LRRC9: variants seen among roughly 807,000 people sequenced by gnomAD.
The protein encoded by LRRC9 is leucine-rich repeat-containing protein 9.
Under a neutral mutation model 63.2 loss-of-function variants are expected in LRRC9, and 122 were observed. That is an observed-to-expected ratio of 1.93 (90% CI 1.67 to 2.24). The LOEUF is 2.24. Among genes scored for constraint, LRRC9 ranks in the 30% most tolerant of loss-of-function variants. LRRC9 has a pLI of 0.00. For synonymous variants in LRRC9, 366 were observed against 213.1 expected, an observed-to-expected ratio of 1.72 and a Z score of -6.25; for missense variants, 1,071 against 627.7, an observed-to-expected ratio of 1.71 and a Z score of -7.55.
chr14:59,954,093 A>T (rs1285841421), intron 8 of LRRC9, among the ~76,000 whole-genome samples: 1 of 152,156 alleles, frequency 6.6e-6, no homozygotes, highest in Non-Finnish European at 1.5e-5. Context: ...GTCAGGTAGC[A>T]TGATGCCTTC....
intron 7 of LRRC9, among the ~76,000 whole-genome samples, chr14:59,939,543 G>A (rs944581653): frequency 8.6e-5 from 13 of 151,996 alleles, no homozygotes; most frequent in African/African-American, 2.7e-4. Context: ...CAGTAACTTA[G>A]ATGAGCCATG....
rs147398509 is a variant in LRRC9, at chr14:59,958,947, T to C, written c.883-871T>C. On this transcript the variant is annotated intron_variant, in intron 8 of 31. Coordinates refer to ENST00000445360, the Ensembl canonical transcript of LRRC9. This position sits in a 1 kb window ranked among gnomAD's most constrained non-coding sequence, Gnocchi z 4.0. ...CCCTCTGTGGGTTGGACCCACTGTCTAACCAGTCTCACTGAGATGAACAGG... is the reference window on the plus strand; with the variant it reads ...CCCTCTGTGGGTTGGACCCACTGTCCAACCAGTCTCACTGAGATGAACAGG... 1.5e-3 allele frequency among the ~76,000 whole-genome samples: 228 copies of C among 152,324 alleles called. No individual in the cohort carries two copies. The highest frequency in any genetic ancestry group is 5.1e-3 in the African/African-American group (211 of 41,572).
At chr14:59,988,400 T>G (rs1232962802) in intron 17 of LRRC9, among the ~76,000 whole-genome samples, 1 of 152,164 alleles carries the variant, frequency 6.6e-6, no homozygotes, top group Non-Finnish European at 1.5e-5. Flanking sequence ...TATGAATTTT[T>G]TATACTTCCA....
chr14:59,989,950 G>A (rs933886448), intron 17 of LRRC9, among the ~76,000 whole-genome samples: 5 of 138,958 alleles, frequency 3.6e-5, no homozygotes, highest in South Asian at 2.2e-4. Flanking sequence ...TTTTTGAGAC[G>A]GAATTTCACT....
At chr14:59,955,003 G>A (rs987466173) in intron 8 of LRRC9, among the ~76,000 whole-genome samples, 11 of 152,062 alleles carry the variant, frequency 7.2e-5, no homozygotes, top group South Asian at 2.1e-4. Flanking sequence ...TGACTTGATC[G>A]TGGTGGATAA....
chr14:59,957,000 T>G (rs952307839), intron 8 of LRRC9, among the ~76,000 whole-genome samples: 1 of 152,228 alleles, frequency 6.6e-6, no homozygotes, highest in African/African-American at 2.4e-5. Flanking sequence ...AGAGATCAGC[T>G]GTTAGTCTGA....
chr14:59,979,611 C>CA (rs908882398), intron 15 of LRRC9, among the ~76,000 whole-genome samples: 132 of 149,592 alleles, frequency 8.8e-4, no homozygotes, highest in African/African-American at 1.2e-3. Context: ...GACTCCGTCT[C>CA]AAAAAAAAAT....
intron 30 of LRRC9, among the ~76,000 whole-genome samples, chr14:60,056,884 A>T (rs1451189666): frequency 1.3e-5 from 2 of 152,188 alleles, no homozygotes; most frequent in African/African-American, 2.4e-5. Context: ...TTTAACAGCA[A>T]ATAAGGAGGA....
intron 17 of LRRC9, 118 bp from the exon 18 acceptor site, chr14:59,997,538 A>G (rs1182892670): frequency 5.6e-6 from 3 of 537,830 alleles, no homozygotes; most frequent in South Asian, 2.9e-5. Flanking sequence ...ACTACTGTTT[A>G]TGTGTCCTGT....
At chr14:59,931,168 G>A (rs116980411) in intron 4 of LRRC9, 110 bp downstream of exon 4, 7,454 of 297,424 alleles carry the variant, frequency 0.025, 163 homozygotes, top group South Asian at 0.052. Flanking sequence ...TTCTTGACTA[G>A]TACAATTATT....
rs1416500994 is a variant in LRRC9 at position 59,990,819 on chromosome 14, T to C, written c.2211+5595T>C. Among the ~76,000 whole-genome samples, 3 of 152,222 alleles carry C rather than the reference T, an allele frequency of 2.0e-5. No homozygotes were observed. Among genetic ancestry groups the C allele is most frequent in the African/African-American group, 7.2e-5 (3 of 41,454 alleles). On this transcript the variant is annotated intron_variant, in intron 17 of 31. Transcript: ENST00000445360. This position sits in a 1 kb window ranked among gnomAD's most constrained non-coding sequence, Gnocchi z 4.2. ...GGTCTCCACACATTCCGGTGAATATTTGTTGACTGTTCTGGGGCTCTCCTG... is the reference window on the plus strand; with the variant it reads ...GGTCTCCACACATTCCGGTGAATATCTGTTGACTGTTCTGGGGCTCTCCTG...
At position 59,922,254 on chromosome 14, in the gene LRRC9, AATCAAAAC is replaced by A. The variant is rs1462226748; in HGVS notation, c.-34+2374_-34+2381del. ...AATGCCATGTCAAGGTCAAGTTGAG[AATCAAAAC>A]ATGTCCGCTGTCTTTGGCCATTAGA... On this transcript the variant is annotated intron_variant, in intron 1 of 31. Transcript: ENST00000445360. This position sits in a 1 kb window ranked among gnomAD's most constrained non-coding sequence, Gnocchi z 5.3. Among the ~76,000 whole-genome samples, 8 of 152,312 alleles carry A rather than the reference AATCAAAAC, an allele frequency of 5.3e-5. No homozygotes were observed. The East Asian group carries it at 1.5e-3, about 29-fold the overall frequency.
In LRRC9 at chr14:59,958,247, CA is replaced by C. The variant is rs1350493664; in HGVS notation, c.883-1570del. Among the ~76,000 whole-genome samples, 1 of 152,194 alleles carries C rather than the reference CA, an allele frequency of 6.6e-6. No individual in the cohort carries two copies. Among genetic ancestry groups the C allele is most frequent in the African/African-American group, 2.4e-5 (1 of 41,454 alleles). On this transcript the variant is annotated intron_variant, in intron 8 of 31. Coordinates refer to ENST00000445360, the Ensembl canonical transcript of LRRC9. The surrounding 1 kb of genome is among the most constrained non-coding windows in gnomAD (Gnocchi z 4.0). ...AATCTGCTGCAGCTGTGCCCACAGCCACCCCTTCCACCAGGTGCTCTGTCCC... is the reference window on the plus strand; with the variant it reads ...AATCTGCTGCAGCTGTGCCCACAGCCCCCCTTCCACCAGGTGCTCTGTCCC...
At chr14:60,028,621 G>A (rs896205081) in intron 28 of LRRC9, among the ~76,000 whole-genome samples, 3 of 152,058 alleles carry the variant, frequency 2.0e-5, no homozygotes, top group African/African-American at 7.2e-5. Flanking sequence ...TGCCCCAACT[G>A]AACTGCTCAG....
Position 59,927,871 on chromosome 14 carries a change from G to T in LRRC9, c.-33-40G>T. ...GTCTATTTCAACTTGGAATGACAAT[G>T]ACTTTAATATTTATTTCATTTTTTC... On this transcript the variant is annotated intron_variant, in intron 1 of 31. Coordinates refer to ENST00000445360, the Ensembl canonical transcript of LRRC9. The surrounding 1 kb of genome is among the most constrained non-coding windows in gnomAD (Gnocchi z 4.4). The T allele has an allele frequency of 1.6e-6, 1 of 607,296 alleles. No homozygotes were observed. The highest frequency in any genetic ancestry group is 2.0e-5 in the South Asian group (1 of 49,466). The allele number at this position is 607,296 out of a possible 1,614,324, so 37.6% of individuals were successfully genotyped here. A position where few individuals can be genotyped will look rare whatever the true frequency, so the allele number is the denominator to read the frequency against.
At chr14:60,006,424 G>A (rs1288658851) in exon 22 of LRRC9, 16 of 690,216 alleles carry the variant, frequency 2.3e-5, no homozygotes, top group African/African-American at 3.5e-5. Context: ...AAATTAACTC[G>A]CCTCAGCATA....
At chr14:59,928,058 C>A in intron 2 of LRRC9, 67 bp downstream of exon 2, 1 of 651,666 alleles carries the variant, frequency 1.5e-6, no homozygotes, top group Non-Finnish European at 2.7e-6. Context: ...TTTTTATGCT[C>A]CTTTCTAGAG....
At chr14:59,993,905 A>G (rs935490364) in intron 17 of LRRC9, among the ~76,000 whole-genome samples, 3 of 152,064 alleles carry the variant, frequency 2.0e-5, no homozygotes, top group Admixed American at 6.6e-5. Flanking sequence ...ACAGATCAAC[A>G]AGACAGAAAG....
chr14:59,972,451 T>C (rs1198207654), intron 12 of LRRC9, among the ~76,000 whole-genome samples: 2 of 152,080 alleles, frequency 1.3e-5, no homozygotes, highest in Non-Finnish European at 2.9e-5. Context: ...CTTTCTTGTA[T>C]CAGCCGTAAC....
Sources: allele counts gnomAD v4.1 joint callset (sites outside exome capture counted in the v4.1 genomes callset), GRCh38; gene constraint gnomAD v4.1.1; non-coding constraint Gnocchi (gnomAD v3.1); transcripts MANE v1.5; gene names NCBI Gene and HGNC (gene_info 2026-07-23, HGNC 2026-07-21).